The following NEGR1 variants were observed in gnomAD, a reference collection of about 807,000 sequenced individuals.
NEGR1 encodes neuronal growth regulator 1.
A neutral mutation model predicts 40.9 loss-of-function variants in NEGR1; 10 were observed. That is an observed-to-expected ratio of 0.24 (90% CI 0.15 to 0.42). The LOEUF is 0.42. Ranked by LOEUF, NEGR1 falls within the 10% of genes least tolerant of loss-of-function variation. The probability of loss-of-function intolerance (pLI) is 1.00; values close to 1 mark genes in which losing one functional copy is unlikely to be tolerated. For synonymous variants in NEGR1, 185 were observed against 166.8 expected (o/e 1.11, Z -0.84); for missense variants, 352 against 438.9 (o/e 0.80, Z 1.77).
chr1:71,574,408 A>G (rs1401203688), intron 6 of NEGR1, among the ~76,000 whole-genome samples: 1 of 152,194 alleles, frequency 6.6e-6, no homozygotes, highest in African/African-American at 2.4e-5. Flanking sequence ...CTTTGCAGTT[A>G]TTGACTCAGA....
rs773536348 is a variant in NEGR1, at chr1:71,450,652, C to T, written c.941-43082G>A. ...TGAAATCCTGTCACTACTAGAAATA[C>T]GAAAAAAATTAGCTGGGCATGGTGG... is the stretch of plus-strand genomic sequence containing the variant. On this transcript the variant is annotated intron_variant, in intron 6 of 6. Coordinates refer to ENST00000357731, the MANE Select transcript of NEGR1 (RefSeq NM_173808.3). Among the ~76,000 whole-genome samples, 9 of 148,864 alleles carry T rather than the reference C, an allele frequency of 6.0e-5. No individual in the cohort carries two copies. In the East Asian group the frequency reaches 1.2e-3, roughly 20 times the overall value.
At chr1:71,752,884 C>A (rs1444956229) in intron 3 of NEGR1, among the ~76,000 whole-genome samples, 1 of 152,102 alleles carries the variant, frequency 6.6e-6, no homozygotes, top group African/African-American at 2.4e-5. Context: ...TCCAGAAAAT[C>A]TTAGTCATTT....
chr1:71,693,140 G>T (rs140867813), intron 4 of NEGR1, among the ~76,000 whole-genome samples: 1 of 151,628 alleles, frequency 6.6e-6, no homozygotes, highest in Admixed American at 6.6e-5. Context: ...TATAAAAAAT[G>T]GAATTAGTGC....
chr1:72,009,444 G>A lies in NEGR1; in HGVS notation c.177-74133C>T, dbSNP rs147936302. Among the ~76,000 whole-genome samples the A allele has an allele frequency of 3.2e-3, 484 of 151,902 alleles. 1 individual carries two copies. The highest frequency in any genetic ancestry group is 0.011 in the African/African-American group (452 of 41,426). Reference sequence around the variant, plus strand: ...AAATTAGCACAGTTTCCCCCAACTTGTGTTTTTCTTCTTTTTTAAATCATT... The same window carrying A: ...AAATTAGCACAGTTTCCCCCAACTTATGTTTTTCTTCTTTTTTAAATCATT... On this transcript the variant is annotated intron_variant, in intron 1 of 6. Transcript: ENST00000357731.
intron 1 of NEGR1, among the ~76,000 whole-genome samples, chr1:71,956,662 C>T (rs1225264817): frequency 6.6e-6 from 1 of 152,066 alleles, no homozygotes; most frequent in Non-Finnish European, 1.5e-5. Flanking sequence ...ACATATCAGT[C>T]ATATCAGCAG....
At chr1:71,768,552 A>G (rs975753434) in intron 3 of NEGR1, among the ~76,000 whole-genome samples, 1 of 152,170 alleles carries the variant, frequency 6.6e-6, no homozygotes, top group Non-Finnish European at 1.5e-5. Flanking sequence ...TTACAGGCAC[A>G]TAGGAAGAAG....
chr1:71,449,139 G>C (rs56371749), intron 6 of NEGR1, among the ~76,000 whole-genome samples: 5,271 of 152,232 alleles, frequency 0.035, 321 homozygotes, highest in African/African-American at 0.12. Context: ...TGAACCCTAA[G>C]CTGATCATAT....
chr1:71,996,513 T>A (rs1646505783), intron 1 of NEGR1, among the ~76,000 whole-genome samples: 1 of 152,106 alleles, frequency 6.6e-6, no homozygotes, highest in African/African-American at 2.4e-5. Flanking sequence ...AAGATCAAAG[T>A]CATTAAGTTG....
chr1:71,940,057 ATTAGGGTG>A (rs1016730757), intron 1 of NEGR1, among the ~76,000 whole-genome samples: 3 of 152,068 alleles, frequency 2.0e-5, no homozygotes, highest in Non-Finnish European at 4.4e-5. Flanking sequence ...GAATGGAGGA[ATTAGGGTG>A]TAAGGGGGAG....
intron 4 of NEGR1, among the ~76,000 whole-genome samples, chr1:71,649,109 G>C (rs1651624918): frequency 6.6e-6 from 1 of 151,906 alleles, no homozygotes; most frequent in Admixed American, 6.6e-5. Flanking sequence ...AAAATGTCCA[G>C]TTTTACTTTT....
chr1:72,211,266 A>T (rs1050278372), intron 1 of NEGR1, among the ~76,000 whole-genome samples: 1 of 151,722 alleles, frequency 6.6e-6, no homozygotes, highest in African/African-American at 2.4e-5. Context: ...ACAACAAAAA[A>T]ATCTAGCACT....
chr1:72,066,551 G>A (rs1352716519), intron 1 of NEGR1, among the ~76,000 whole-genome samples: 2 of 152,108 alleles, frequency 1.3e-5, no homozygotes, highest in Non-Finnish European at 2.9e-5. Flanking sequence ...TCCTTAAGGA[G>A]GTAATTAAGG....
At chr1:71,614,081 G>A (rs1176336257) in intron 4 of NEGR1, among the ~76,000 whole-genome samples, 2 of 151,762 alleles carry the variant, frequency 1.3e-5, no homozygotes, top group African/African-American at 4.8e-5. Flanking sequence ...TTTCTCTGTG[G>A]TGTTTTTATT....
At chr1:71,942,657 A>G (rs2100251613) in intron 1 of NEGR1, among the ~76,000 whole-genome samples, 1 of 132,812 alleles carries the variant, frequency 7.5e-6, no homozygotes, top group Non-Finnish European at 1.6e-5. Flanking sequence ...GCCCGCCACT[A>G]CGCCCGGCTA....
chr1:71,415,636 C>A (rs897909407), intron 6 of NEGR1, among the ~76,000 whole-genome samples: 3 of 152,114 alleles, frequency 2.0e-5, no homozygotes, highest in African/African-American at 7.2e-5. Flanking sequence ...ATACCGCTAT[C>A]TTTTATTATC....
intron 4 of NEGR1, among the ~76,000 whole-genome samples, chr1:71,644,684 G>T (rs930842446): frequency 7.9e-5 from 12 of 151,938 alleles, no homozygotes; most frequent in Middle Eastern, 3.2e-3. Flanking sequence ...AAATGAAAAT[G>T]ATGTCAACTA....
intron 1 of NEGR1, among the ~76,000 whole-genome samples, chr1:72,110,221 T>TAAAAAAAA (rs57618301): frequency 3.6e-4 from 39 of 106,902 alleles, no homozygotes; most frequent in African/African-American, 1.2e-3. Context: ...TAGAGTATAA[T>TAAAAAAAA]AAAAAAAAAA....
At chr1:72,255,207 T>G (rs1248803999) in intron 1 of NEGR1, among the ~76,000 whole-genome samples, 1 of 152,208 alleles carries the variant, frequency 6.6e-6, no homozygotes, top group Non-Finnish European at 1.5e-5. Flanking sequence ...TCTCTTTGTG[T>G]GTTAATCTAT....
intron 3 of NEGR1, among the ~76,000 whole-genome samples, chr1:71,743,496 A>T (rs1034756730): frequency 2.6e-5 from 4 of 152,106 alleles, no homozygotes; most frequent in Non-Finnish European, 4.4e-5. Flanking sequence ...AAGAATTTTA[A>T]TTTTAACTAA....
Sources: gnomAD v4.1 joint callset for allele counts (sites outside exome capture counted in the v4.1 genomes callset) on GRCh38, gnomAD v4.1.1 for gene constraint, MANE v1.5 for transcripts, NCBI Gene and HGNC (gene_info 2026-07-23, HGNC 2026-07-21) for gene names.